Variants in MS4A12 observed in about 807,000 individuals in gnomAD.
MS4A12 encodes the protein membrane-spanning 4-domains subfamily A member 12.
MS4A12 carries 28 observed loss-of-function variants against 23.7 expected under a neutral mutation model. That is an observed-to-expected ratio of 1.18 (90% confidence interval 0.88 to 1.62). The LOEUF (loss-of-function observed/expected upper bound fraction) is 1.62. Ranked by LOEUF, MS4A12 falls within the 40% of genes most tolerant of loss-of-function variation. The pLI is 0.00. For synonymous variants in MS4A12, 108 were observed against 110.1 expected (o/e 0.98, Z 0.12); for missense variants, 342 against 327.0 (o/e 1.05, Z -0.35).
At chr11:60,501,785 C>T (rs571652127) in intron 3 of MS4A12, among the ~76,000 whole-genome samples, 198 bp from the exon 4 acceptor site, 3 of 112,378 alleles carry the variant, frequency 2.7e-5, no homozygotes, top group Non-Finnish European at 5.7e-5. Context: ...TCTTCATAGG[C>T]CAGAAATTAA....
At chr11:60,493,301 G>A (rs1208670410) in intron 1 of MS4A12, among the ~76,000 whole-genome samples, 7 of 151,444 alleles carry the variant, frequency 4.6e-5, no homozygotes, top group African/African-American at 4.9e-5. Context: ...ACGTGAACTC[G>A]GGAGGCGGAG....
chr11:60,493,271 G>A (rs1031932955), intron 1 of MS4A12, among the ~76,000 whole-genome samples: 5 of 151,964 alleles, frequency 3.3e-5, no homozygotes, highest in African/African-American at 1.2e-4. Context: ...AGCTACTCGG[G>A]GGGCTGAGGC....
chr11:60,494,731 C>T (rs1214405563), intron 1 of MS4A12, among the ~76,000 whole-genome samples: 1 of 152,116 alleles, frequency 6.6e-6, no homozygotes. Flanking sequence ...TACCTTCTGT[C>T]ATTTTACAGT....
rs2086572587 is a variant in MS4A12 at position 60,506,730 on chromosome 11, T to G, written c.591T>G (p.Leu197=). 1 of 1,613,652 alleles carries G rather than the reference T, an allele frequency of 6.2e-7. No homozygotes were observed. Among genetic ancestry groups the G allele is most frequent in the South Asian group, 1.1e-5 (1 of 91,034 alleles). The change falls in exon 6 of 7, where the codon CTT becomes CTG. Residue 197 remains leucine, a splice_region_variant and synonymous_variant. Coordinates refer to ENST00000016913, the MANE Select transcript of MS4A12 (RefSeq NM_017716.3). ...GVAGQDYWAV[L]SGKGISATLM... is the part of the protein sequence containing the mutation. ...TCACTATTTATTTATGATTTCAGCT[T>G]TCTGGAAAAGGCATTTCAGCCACGC...
rs779180638 is a variant in MS4A12 at position 60,501,986 on chromosome 11, A to T, written c.418A>T (p.Ile140Phe). The change falls in exon 4 of 7, where the codon ATT becomes TTT. Residue 140 changes from isoleucine to phenylalanine, a missense_variant. Coordinates refer to ENST00000016913, the MANE Select transcript of MS4A12 (RefSeq NM_017716.3). The part of the protein sequence containing the change: ...GYPFWGGLSF[I>F]ISGSLSVSAS... ...ATAAATTTGTCCATTTCCACAGTTT[A>T]TTATCTCTGGCTCTCTCTCTGTGTC... The T allele has an allele frequency of 3.1e-6, 5 of 1,612,238 alleles. No individual in the cohort carries two copies. Among genetic ancestry groups the T allele is most frequent in the Non-Finnish European group, 4.2e-6 (5 of 1,178,388 alleles).
At position 60,497,369 on chromosome 11, in the gene MS4A12, C is replaced by T. The variant is rs778749313; in HGVS notation, c.51C>T (p.Pro17=). 5 of 1,614,156 alleles carry T rather than the reference C, an allele frequency of 3.1e-6. No individual in the cohort carries two copies. The South Asian group carries it at 5.5e-5, about 18-fold the overall frequency. ...TSHAEVNETI[P]NPYPPSSFMA... is the part of the protein sequence containing the mutation. ...ATGCTGAAGTAAATGAAACCATACC[C>T]AACCCTTACCCACCAAGCAGCTTTA... The change falls in exon 2 of 7, where the codon CCC becomes CCT. Residue 17 remains proline, a synonymous_variant. Transcript: ENST00000016913.
chr11:60,503,169 A>G (rs2086543828), intron 4 of MS4A12, among the ~76,000 whole-genome samples: 1 of 152,166 alleles, frequency 6.6e-6, no homozygotes. Flanking sequence ...ACAAAAGCCT[A>G]AATTTTCTCC....
intron 2 of MS4A12, among the ~76,000 whole-genome samples, chr11:60,500,827 A>G (rs1247984652): frequency 6.6e-6 from 1 of 152,196 alleles, no homozygotes; most frequent in Non-Finnish European, 1.5e-5. Context: ...TTCTCCAAAT[A>G]CCTCAAAACA....
intron 1 of MS4A12, among the ~76,000 whole-genome samples, chr11:60,496,702 G>C (rs571642281): frequency 6.6e-6 from 1 of 152,232 alleles, no homozygotes; most frequent in Non-Finnish European, 1.5e-5. Flanking sequence ...TTTTTTATCT[G>C]ACAGTTCTGT....
At chr11:60,496,528 G>C (rs72928718) in intron 1 of MS4A12, among the ~76,000 whole-genome samples, 1 of 152,180 alleles carries the variant, frequency 6.6e-6, no homozygotes, top group Non-Finnish European at 1.5e-5. Context: ...ATCATCTTAA[G>C]TGGGCATATG....
chr11:60,502,220 A>G (rs1233761518), intron 4 of MS4A12, among the ~76,000 whole-genome samples, 181 bp downstream of exon 4: 1 of 152,198 alleles, frequency 6.6e-6, no homozygotes, highest in Non-Finnish European at 1.5e-5. Context: ...GTTTGCCACT[A>G]AGAAATGGCA....
chr11:60,502,230 A>G (rs2086536095), intron 4 of MS4A12, among the ~76,000 whole-genome samples, 191 bp downstream of exon 4: 1 of 152,228 alleles, frequency 6.6e-6, no homozygotes, highest in African/African-American at 2.4e-5. Context: ...AAGAAATGGC[A>G]GAGCTCCATA....
intron 1 of MS4A12, 117 bp from the exon 2 acceptor site, chr11:60,497,196 A>T (rs746771328): frequency 1.7e-6 from 2 of 1,208,734 alleles, no homozygotes; most frequent in Non-Finnish European, 2.3e-6. Context: ...ATGGCCCATT[A>T]TCTGCTCACT....
At chr11:60,499,076 T>G (rs1288093460) in intron 2 of MS4A12, among the ~76,000 whole-genome samples, 1 of 152,188 alleles carries the variant, frequency 6.6e-6, no homozygotes, top group Non-Finnish European at 1.5e-5. Context: ...ATAAAAATAC[T>G]TTAAAAGAAT....
Position 60,506,854 on chromosome 11 carries a change from T to C in MS4A12, c.699+16T>C. ...AACCAATATGGTGAGTTGGGTCTCTTCTTTGTAAAATAATCTGAAAATGCC... is the reference window on the plus strand; with the variant it reads ...AACCAATATGGTGAGTTGGGTCTCTCCTTTGTAAAATAATCTGAAAATGCC... On this transcript the variant is annotated intron_variant, in intron 6 of 6. Transcript: ENST00000016913. The C allele has an allele frequency of 6.2e-7, 1 of 1,601,566 alleles. No homozygotes were observed. Among genetic ancestry groups the C allele is most frequent in the Non-Finnish European group, 8.6e-7 (1 of 1,168,712 alleles).
At chr11:60,496,378 A>G (rs2086487586) in intron 1 of MS4A12, among the ~76,000 whole-genome samples, 2 of 152,242 alleles carry the variant, frequency 1.3e-5, no homozygotes, top group Admixed American at 6.5e-5. Flanking sequence ...TTTTTCAAGA[A>G]TTAATAGTCA....
At position 60,501,075 on chromosome 11, in the gene MS4A12, A is replaced by G. The variant is rs550483956; in HGVS notation, c.307A>G (p.Ile103Val). Residue 103 changes from isoleucine to valine, a missense_variant, in exon 3 of 7, where the codon ATT becomes GTT. Ile to Val is a conservative substitution (Grantham distance 29). Coordinates refer to ENST00000016913, the MANE Select transcript of MS4A12 (RefSeq NM_017716.3). ...VIQIMVGLMH[I>V]GFGIVLCLIS... ...CCAGATCATGGTTGGATTGATGCAC[A>G]TTGGTTTTGGAATTGTTTTGTGTTT... 15 of 1,611,486 alleles carry G rather than the reference A, an allele frequency of 9.3e-6. No homozygotes were observed. The South Asian group carries it at 1.2e-4, about 13-fold the overall frequency.
intron 1 of MS4A12, among the ~76,000 whole-genome samples, chr11:60,493,330 C>T (rs1016812572): frequency 4.0e-5 from 6 of 149,646 alleles, no homozygotes; most frequent in Non-Finnish European, 7.4e-5. Context: ...GAGCCGAGAT[C>T]GCTCCATTGC....
At position 60,501,176 on chromosome 11, in the gene MS4A12, C is replaced by A. The variant is rs921248024; in HGVS notation, c.408C>A (p.Gly136=). ...AVIGGYPFWG[G]LSFIISGSLS... is the part of the protein sequence containing the mutation. Reference sequence around the variant, plus strand: ...TTGGTGGATACCCATTCTGGGGTGGCCTTTCTGTGAGTAGATTGCTAGAAC... The same window carrying A: ...TTGGTGGATACCCATTCTGGGGTGGACTTTCTGTGAGTAGATTGCTAGAAC... Residue 136 remains glycine (G), a synonymous_variant, in exon 3 of 7, where the codon GGC becomes GGA. Coordinates refer to ENST00000016913, the MANE Select transcript of MS4A12 (RefSeq NM_017716.3). The A allele has an allele frequency of 1.2e-6, 2 of 1,604,458 alleles. No homozygotes were observed. The highest frequency in any genetic ancestry group is 1.7e-4 in the Middle Eastern group (1 of 5,990).
Sources: allele counts gnomAD v4.1 joint callset (sites outside exome capture counted in the v4.1 genomes callset), GRCh38; gene constraint gnomAD v4.1.1; transcripts MANE v1.5; gene names NCBI Gene and HGNC (gene_info 2026-07-23, HGNC 2026-07-21).